The following GAPVD1 variants were observed in gnomAD, a reference collection of about 807,000 sequenced individuals.
GAPVD1 encodes GTPase activating protein and VPS9 domains 1.
A neutral mutation model predicts 155.5 loss-of-function variants in GAPVD1; 35 were observed. The observed-to-expected ratio is 0.23, with a 90% CI of 0.17 to 0.30. The LOEUF is 0.30. GAPVD1 is among the 10% of genes least tolerant of loss of function. The pLI, the probability that GAPVD1 is intolerant of heterozygous loss-of-function variation, is 1.00. For missense variants in GAPVD1, 1,429 were observed against 1,775.7 expected, an observed-to-expected ratio of 0.80 and a Z score of 3.51; for synonymous variants, 636 against 619.7, an observed-to-expected ratio of 1.03 and a Z score of -0.39.
rs115213416 is a variant in GAPVD1 at position 125,353,799 on chromosome 9, A to G, written c.3570-855A>G. On this transcript the variant is annotated intron_variant, in intron 23 of 27. Coordinates refer to ENST00000297933, the MANE Select transcript of GAPVD1 (RefSeq NM_001282680.3). ...AGGAAAGACATGCCTCCATGATTCA[A>G]TTCCCTCCCACAACACATGGAAATT... Among the ~76,000 whole-genome samples the G allele has an allele frequency of 7.0e-3, 1,063 of 152,308 alleles. 16 individuals are homozygous for G. The highest frequency in any genetic ancestry group is 0.024 in the African/African-American group (978 of 41,572).
chr9:125,349,538 T>C lies in GAPVD1; in HGVS notation c.3299+19T>C. 1.2e-6 allele frequency: 2 copies of C among 1,611,550 alleles called. No individual in the cohort carries two copies. Among genetic ancestry groups the C allele is most frequent in the Non-Finnish European group, 1.7e-6 (2 of 1,177,808 alleles). On this transcript the variant is annotated intron_variant, in intron 21 of 27. Coordinates refer to ENST00000297933, the MANE Select transcript of GAPVD1 (RefSeq NM_001282680.3). ...CTTACAGGTATTTCTTTTATAGGAT[T>C]TGGGACTTTAGGGTTTGGACTTTTC...
intron 25 of GAPVD1, among the ~76,000 whole-genome samples, chr9:125,358,519 G>A (rs1850440872): frequency 1.3e-5 from 2 of 152,318 alleles, no homozygotes; most frequent in South Asian, 4.1e-4. Context: ...ACTCCCAGGG[G>A]TCCGTGTAAT....
At chr9:125,340,878 T>C (rs1847753197) in intron 17 of GAPVD1, among the ~76,000 whole-genome samples, 1 of 152,174 alleles carries the variant, frequency 6.6e-6, no homozygotes, top group African/African-American at 2.4e-5. Flanking sequence ...ACTTAAATCC[T>C]TTTTAGCCTG....
intron 11 of GAPVD1, among the ~76,000 whole-genome samples, chr9:125,325,437 G>A (rs904071759): frequency 2.1e-5 from 3 of 146,296 alleles, no homozygotes; most frequent in African/African-American, 7.7e-5. Flanking sequence ...CAGGAGAATG[G>A]CCTGAACCCG....
chr9:125,293,875 T>TATAA (rs1839294539), intron 2 of GAPVD1, among the ~76,000 whole-genome samples: 10 of 16,636 alleles, frequency 6.0e-4, no homozygotes, highest in African/African-American at 3.6e-3. Context: ...TATATATATA[T>TATAA]ATATATATAT....
chr9:125,335,387 TAA>T, intron 15 of GAPVD1: 10 of 411,584 alleles, frequency 2.4e-5, no homozygotes, highest in Non-Finnish European at 3.1e-5. Context: ...TTTTTTTTTT[TAA>T]AAATGGGGCT....
chr9:125,312,550 G>A lies in GAPVD1; in HGVS notation c.1540G>A (p.Val514Met). ...CATTCAGGAGGTGCAACCAGAAGAG[G>A]TGTTGGTCATTTCCTTAGGTACAGG... Reference protein sequence around the residue: ...ETIQEVQPEEVLVISLGTGPQ... With the variant: ...ETIQEVQPEEMLVISLGTGPQ... Residue 514 changes from valine to methionine, a missense_variant, in exon 9 of 28, where the codon GTG becomes ATG. By Grantham distance (21) the Val-to-Met change is conservative. This residue lies in a region of GAPVD1 where 628 missense variants were observed against 733.4 expected (regional missense o/e 0.86). Coordinates refer to ENST00000297933, the MANE Select transcript of GAPVD1 (RefSeq NM_001282680.3). 1 of 1,610,466 alleles carries A rather than the reference G, an allele frequency of 6.2e-7. No homozygotes were observed. The highest frequency in any genetic ancestry group is 8.5e-7 in the Non-Finnish European group (1 of 1,178,738).
chr9:125,278,963 G>A (rs1836270818), intron 2 of GAPVD1, among the ~76,000 whole-genome samples: 2 of 152,248 alleles, frequency 1.3e-5, no homozygotes, highest in South Asian at 4.1e-4. Flanking sequence ...TGTAATCCTA[G>A]CACTTTGGGA....
intron 9 of GAPVD1, among the ~76,000 whole-genome samples, chr9:125,321,139 G>A (rs950310868): frequency 1.3e-5 from 2 of 152,062 alleles, no homozygotes; most frequent in African/African-American, 2.4e-5. Context: ...AAGGACCAGC[G>A]TGCTGACACC....
chr9:125,311,379 G>GGGGAA (rs1486148828), intron 8 of GAPVD1, among the ~76,000 whole-genome samples: 1 of 152,088 alleles, frequency 6.6e-6, no homozygotes, highest in African/African-American at 2.4e-5. Flanking sequence ...CCCAGCACTT[G>GGGGAA]GGGAAGCCAA....
At chr9:125,293,634 A>G (rs1205543394) in intron 2 of GAPVD1, among the ~76,000 whole-genome samples, 1 of 130,594 alleles carries the variant, frequency 7.7e-6, no homozygotes, top group Non-Finnish European at 1.6e-5. Context: ...TATATTATAT[A>G]TATATAATAT....
In GAPVD1 at chr9:125,302,139, G is replaced by T; in HGVS notation, c.342G>T (p.Leu114Phe). The change falls in exon 5 of 28, where the codon TTG (leucine) becomes TTT (phenylalanine). Residue 114 changes from leucine (L) to phenylalanine (F), a missense_variant. Coordinates refer to ENST00000297933, the MANE Select transcript of GAPVD1 (RefSeq NM_001282680.3). Reference protein sequence around the residue: ...RENPRLIASSLVAGEKLNQEN... With the variant: ...RENPRLIASSFVAGEKLNQEN... ...ATCCTCGTCTTATTGCCTCCTCTTTGGTTGCTGGAGAGAAACTTAATCAGG... is the reference window on the plus strand; with the variant it reads ...ATCCTCGTCTTATTGCCTCCTCTTTTGTTGCTGGAGAGAAACTTAATCAGG... 3 of 1,613,720 alleles carry T rather than the reference G, an allele frequency of 1.9e-6. No individual in the cohort carries two copies. Among genetic ancestry groups the T allele is most frequent in the Non-Finnish European group, 2.5e-6 (3 of 1,179,936 alleles).
chr9:125,284,180 CTT>C lies in GAPVD1; in HGVS notation c.-149-11258_-149-11257del, dbSNP rs34335675. On this transcript the variant is annotated intron_variant, in intron 2 of 27. Transcript: ENST00000297933. ...CGTGAGTCACTGAGCCCCGCCAGAA[CTT>C]TTTTTTTTTTTTTTTTTTTGAGATG... 5.3e-3 allele frequency among the ~76,000 whole-genome samples: 493 copies of C among 92,626 alleles called. 4 individuals carry two copies. Among genetic ancestry groups the C allele is most frequent in the African/African-American group, 0.021 (458 of 21,606 alleles). 60.8% of individuals were successfully genotyped at this position (92,626 alleles called of 152,430 possible). A position where few individuals can be genotyped will look rare whatever the true frequency, so the allele number is the denominator to read the frequency against.
rs1042474908 is a variant in GAPVD1, at chr9:125,307,306, T to C, written c.1117-107T>C. ...AAAAATTCAACATCTTAAAAAAATATGATTTTTAAGATGTTTAAATTTTTT... is the reference window on the plus strand; with the variant it reads ...AAAAATTCAACATCTTAAAAAAATACGATTTTTAAGATGTTTAAATTTTTT... On this transcript the variant is annotated intron_variant, in intron 6 of 27. Coordinates refer to ENST00000297933, the MANE Select transcript of GAPVD1 (RefSeq NM_001282680.3). The C allele has an allele frequency of 1.6e-5, 12 of 736,858 alleles. No homozygotes were observed. The East Asian group carries it at 2.7e-4, about 16-fold the overall frequency. 45.6% of individuals were successfully genotyped at this position (736,858 alleles called of 1,614,324 possible).
At chr9:125,307,658 AT>A (rs1842064816) in intron 7 of GAPVD1, 32 bp from the exon 8 acceptor site, 2 of 1,592,250 alleles carry the variant, frequency 1.3e-6, no homozygotes. Flanking sequence ...TGAAAAAGTG[AT>A]TTCATTAGCT....
intron 8 of GAPVD1, among the ~76,000 whole-genome samples, chr9:125,310,537 ATT>A (rs10616987): frequency 0.49 from 59,026 of 121,578 alleles, 12,673 homozygotes; most frequent in African/African-American, 0.66. Flanking sequence ...TTTTTTCTTG[ATT>A]TTTTTTTTTT....
At chr9:125,320,260 A>G (rs1420957596) in intron 9 of GAPVD1, among the ~76,000 whole-genome samples, 4 of 152,246 alleles carry the variant, frequency 2.6e-5, no homozygotes, top group Non-Finnish European at 5.9e-5. Context: ...GACTTTCAAC[A>G]AAGCACTTAA....
intron 2 of GAPVD1, among the ~76,000 whole-genome samples, chr9:125,271,673 C>T (rs1588532955): frequency 6.6e-6 from 1 of 152,194 alleles, no homozygotes; most frequent in East Asian, 1.9e-4. Context: ...GCCTCAGCCT[C>T]CCGAGTAGCT....
At chr9:125,278,056 A>G (rs1314022617) in intron 2 of GAPVD1, among the ~76,000 whole-genome samples, 1 of 152,198 alleles carries the variant, frequency 6.6e-6, no homozygotes, top group Non-Finnish European at 1.5e-5. Context: ...TTCACAAAAC[A>G]TAAAATGAGC....
Sources: gnomAD v4.1 joint callset for allele counts (sites outside exome capture counted in the v4.1 genomes callset) on GRCh38, gnomAD v4.1.1 for gene constraint, gnomAD v4.1.1 regional missense constraint, MANE v1.5 for transcripts, NCBI Gene and HGNC (gene_info 2026-07-23, HGNC 2026-07-21) for gene names.